PTPRR: variants seen among roughly 807,000 people sequenced by gnomAD.
PTPRR encodes protein tyrosine phosphatase receptor type R, also known as receptor-type tyrosine-protein phosphatase R.
PTPRR carries 38 observed loss-of-function variants against 77.2 expected under a neutral mutation model. The ratio of observed to expected loss-of-function variants is 0.49; its 90% confidence interval spans 0.38 to 0.65. The LOEUF (loss-of-function observed/expected upper bound fraction) is 0.65. Among genes scored for constraint, PTPRR ranks in the 30% least tolerant of loss-of-function variants. PTPRR has a pLI of 0.00. For synonymous variants in PTPRR, 299 were observed against 283.1 expected (o/e 1.06, Z -0.57); for missense variants, 744 against 799.2 (o/e 0.93, Z 0.83).
At chr12:70,802,017 T>C (rs1891625460) in intron 2 of PTPRR, among the ~76,000 whole-genome samples, 1 of 152,158 alleles carries the variant, frequency 6.6e-6, no homozygotes, top group Non-Finnish European at 1.5e-5. Context: ...ATTGAGAGAA[T>C]ATTTATTGGA....
chr12:70,804,525 A>C (rs1483783378), intron 2 of PTPRR, among the ~76,000 whole-genome samples: 2 of 152,054 alleles, frequency 1.3e-5, no homozygotes, highest in Admixed American at 1.3e-4. Context: ...TGATCACACC[A>C]CTGCATTCCA....
At chr12:70,660,831 T>C (rs908421568) in intron 12 of PTPRR, 109 bp downstream of exon 12, 1 of 1,102,956 alleles carries the variant, frequency 9.1e-7, no homozygotes, top group African/African-American at 1.6e-5. Context: ...AATAAATATT[T>C]AATTTGCCAA....
intron 3 of PTPRR, among the ~76,000 whole-genome samples, chr12:70,763,110 C>G (rs1316896157): frequency 6.6e-6 from 1 of 151,298 alleles, no homozygotes; most frequent in Non-Finnish European, 1.5e-5. Flanking sequence ...TATAAAAAAT[C>G]TAGATCTAGA....
At chr12:70,860,766 T>C (rs1157771905) in intron 2 of PTPRR, among the ~76,000 whole-genome samples, 1 of 152,134 alleles carries the variant, frequency 6.6e-6, no homozygotes, top group African/African-American at 2.4e-5. Flanking sequence ...ACAAAATATC[T>C]GATAAAAAAG....
At chr12:70,904,622 G>A (rs1893592773) in intron 1 of PTPRR, among the ~76,000 whole-genome samples, 1 of 151,742 alleles carries the variant, frequency 6.6e-6, no homozygotes, top group Non-Finnish European at 1.5e-5. Context: ...GTGATGACAT[G>A]AATCTATACA....
At chr12:70,900,211 AT>A (rs778492386) in intron 1 of PTPRR, among the ~76,000 whole-genome samples, 1 of 151,480 alleles carries the variant, frequency 6.6e-6, no homozygotes, top group Admixed American at 6.6e-5. Context: ...TTTTGAAAAA[AT>A]AATAAAGTTA....
chr12:70,663,727 C>T (rs969560944), intron 10 of PTPRR, among the ~76,000 whole-genome samples: 6 of 152,018 alleles, frequency 3.9e-5, no homozygotes, highest in African/African-American at 1.4e-4. Flanking sequence ...ATTTTGAGTG[C>T]TCTTGGAAGC....
chr12:70,692,217 A>T (rs772890664), intron 8 of PTPRR, among the ~76,000 whole-genome samples: 5 of 152,114 alleles, frequency 3.3e-5, no homozygotes, highest in Non-Finnish European at 7.4e-5. Context: ...CGTTGGACTC[A>T]ATTTTATTAT....
chr12:70,639,487 CA>C, intron 13 of PTPRR: 1 of 1,335,140 alleles, frequency 7.5e-7, no homozygotes, highest in South Asian at 1.7e-5. Context: ...ACACAGTTCC[CA>C]GCACACACTA....
chr12:70,717,755 AT>A (rs2136833706), intron 6 of PTPRR, among the ~76,000 whole-genome samples: 1 of 152,294 alleles, frequency 6.6e-6, no homozygotes, highest in East Asian at 1.9e-4. Flanking sequence ...GCATCCGGGC[AT>A]TTCCTGTGTG....
intron 2 of PTPRR, among the ~76,000 whole-genome samples, chr12:70,802,687 C>G (rs1373759423): frequency 6.6e-6 from 1 of 152,104 alleles, no homozygotes; most frequent in Non-Finnish European, 1.5e-5. Flanking sequence ...ATTGGAAGAC[C>G]TGGGCTTCCA....
chr12:70,786,930 G>A (rs1333459927), intron 2 of PTPRR, among the ~76,000 whole-genome samples: 1 of 152,138 alleles, frequency 6.6e-6, no homozygotes, highest in East Asian at 1.9e-4. Context: ...AATGAATAAA[G>A]GCAGAGTGTG....
chr12:70,835,489 G>A (rs566003909), intron 2 of PTPRR, among the ~76,000 whole-genome samples: 26 of 152,208 alleles, frequency 1.7e-4, no homozygotes, highest in African/African-American at 6.3e-4. Flanking sequence ...TACCTATTAA[G>A]TACATAGAAA....
chr12:70,672,328 C>A, intron 10 of PTPRR: 1 of 1,550,200 alleles, frequency 6.5e-7, no homozygotes, highest in East Asian at 2.3e-5. Context: ...GCAAGTTTGC[C>A]AACTCCATTG....
chr12:70,908,726 C>T (rs1893659916), intron 1 of PTPRR, among the ~76,000 whole-genome samples: 3 of 152,102 alleles, frequency 2.0e-5, no homozygotes, highest in Admixed American at 2.0e-4. Flanking sequence ...TCCTGGTCTC[C>T]CTTGCCTGTG....
intron 13 of PTPRR, among the ~76,000 whole-genome samples, chr12:70,654,676 G>C (rs1377742781): frequency 1.3e-5 from 2 of 152,096 alleles, no homozygotes; most frequent in Non-Finnish European, 2.9e-5. Context: ...AAATTATCTT[G>C]GTTTATTTTG....
At chr12:70,705,352 TAGA>T (rs1161744819) in intron 6 of PTPRR, among the ~76,000 whole-genome samples, 1 of 152,130 alleles carries the variant, frequency 6.6e-6, no homozygotes, top group Non-Finnish European at 1.5e-5. Context: ...TGCTAGATTT[TAGA>T]AGCTGAATTT....
intron 1 of PTPRR, among the ~76,000 whole-genome samples, chr12:70,916,659 C>T (rs1395823233): frequency 1.3e-5 from 2 of 151,756 alleles, no homozygotes; most frequent in African/African-American, 2.4e-5. Context: ...TAAGGAACAT[C>T]TTAAAATCTT....
chr12:70,661,365 T>C (rs1886794091), intron 11 of PTPRR, among the ~76,000 whole-genome samples: 1 of 152,100 alleles, frequency 6.6e-6, no homozygotes. Context: ...AAGTAACATA[T>C]GCTAAATATA....
Sources: allele counts gnomAD v4.1 joint callset (sites outside exome capture counted in the v4.1 genomes callset), GRCh38; gene constraint gnomAD v4.1.1; transcripts MANE v1.5; gene names NCBI Gene and HGNC (gene_info 2026-07-23, HGNC 2026-07-21).